XIRP2: variants seen among roughly 807,000 people sequenced by gnomAD.
XIRP2 encodes xin actin binding repeat containing 2.
XIRP2 carries 236 observed loss-of-function variants against 277.0 expected under a neutral mutation model. The observed-to-expected ratio is 0.85, with a 90% CI of 0.77 to 0.95. The LOEUF (loss-of-function observed/expected upper bound fraction) is 0.95. XIRP2 is among the 40% of genes least tolerant of loss of function. XIRP2 has a pLI of 0.00. For synonymous variants in XIRP2, 1,490 were observed against 1,416.5 expected, an observed-to-expected ratio of 1.05 and a Z score of -1.17; for missense variants, 4,640 against 4,157.5, an observed-to-expected ratio of 1.12 and a Z score of -3.19.
chr2:167,190,608 C>T (rs1693302307), intron 3 of XIRP2, among the ~76,000 whole-genome samples: 2 of 152,172 alleles, frequency 1.3e-5, no homozygotes, highest in Non-Finnish European at 2.9e-5. Context: ...TTGGAATCCA[C>T]CTCTTACAAA....
intron 2 of XIRP2, among the ~76,000 whole-genome samples, chr2:167,083,581 G>A (rs2105265189): frequency 6.6e-6 from 1 of 152,282 alleles, no homozygotes; most frequent in South Asian, 2.1e-4. Flanking sequence ...CATGGCCATG[G>A]AATGTTCTTC....
chr2:167,005,273 G>A (rs1050976930), intron 2 of XIRP2, among the ~76,000 whole-genome samples: 3 of 151,774 alleles, frequency 2.0e-5, no homozygotes, highest in Non-Finnish European at 4.4e-5. Flanking sequence ...AATATATTTT[G>A]TCATATTCTT....
intron 2 of XIRP2, among the ~76,000 whole-genome samples, chr2:167,092,054 TA>T (rs1387158639): frequency 1.3e-5 from 2 of 152,148 alleles, no homozygotes; most frequent in Non-Finnish European, 2.9e-5. Flanking sequence ...GCACAACTTT[TA>T]AAACTTTCTA....
chr2:167,040,867 C>A (rs1367792362), intron 2 of XIRP2, among the ~76,000 whole-genome samples: 1 of 152,226 alleles, frequency 6.6e-6, no homozygotes, highest in Non-Finnish European at 1.5e-5. Context: ...CACTAACGTG[C>A]ACCAACCTGC....
intron 2 of XIRP2, among the ~76,000 whole-genome samples, chr2:167,092,359 G>C (rs183083479): frequency 6.6e-6 from 1 of 152,040 alleles, no homozygotes; most frequent in Non-Finnish European, 1.5e-5. Flanking sequence ...TTTCATGCTT[G>C]AGGAAGAAAG....
At chr2:167,257,594 T>C (rs917100787) in intron 10 of XIRP2, among the ~76,000 whole-genome samples, 2 of 152,154 alleles carry the variant, frequency 1.3e-5, no homozygotes, top group South Asian at 2.1e-4. Flanking sequence ...CTCTGCACCA[T>C]GTATAACCAT....
At chr2:166,914,599 C>T (rs1684812530) in intron 2 of XIRP2, among the ~76,000 whole-genome samples, 1 of 152,156 alleles carries the variant, frequency 6.6e-6, no homozygotes, top group African/African-American at 2.4e-5. Flanking sequence ...GCCTCAGCCT[C>T]CCAAAGTTCT....
intron 2 of XIRP2, among the ~76,000 whole-genome samples, chr2:167,010,102 G>A (rs1401689920): frequency 6.6e-6 from 1 of 151,978 alleles, no homozygotes; most frequent in Non-Finnish European, 1.5e-5. Flanking sequence ...GTCTTTTGTT[G>A]CCATTGCTTT....
chr2:167,214,308 G>T (rs1196167546), intron 4 of XIRP2, among the ~76,000 whole-genome samples: 3 of 148,396 alleles, frequency 2.0e-5, no homozygotes, highest in Admixed American at 6.7e-5. Context: ...AGGAAGGAAG[G>T]AAGGAAGGAA....
chr2:167,005,124 C>T (rs1474259715), intron 2 of XIRP2, among the ~76,000 whole-genome samples: 1 of 151,844 alleles, frequency 6.6e-6, no homozygotes, highest in Non-Finnish European at 1.5e-5. Context: ...TGGCATGATG[C>T]ATTTGCAAAT....
intron 1 of XIRP2, among the ~76,000 whole-genome samples, chr2:166,895,216 C>T (rs1684211844): frequency 6.6e-6 from 1 of 152,178 alleles, no homozygotes; most frequent in Non-Finnish European, 1.5e-5. Context: ...ATATGTGACA[C>T]TGCAAAACAT....
chr2:167,001,866 A>C (rs1223053087), intron 2 of XIRP2, among the ~76,000 whole-genome samples: 2 of 152,098 alleles, frequency 1.3e-5, no homozygotes, highest in Admixed American at 6.6e-5. Context: ...ATTCTTTCCG[A>C]TGCTTGAAAA....
intron 3 of XIRP2, among the ~76,000 whole-genome samples, chr2:167,187,847 T>A (rs1465943318): frequency 6.6e-6 from 1 of 152,004 alleles, no homozygotes; most frequent in Admixed American, 6.6e-5. Context: ...CAGAAAAAAA[T>A]TAGTTTGTCA....
intron 2 of XIRP2, among the ~76,000 whole-genome samples, chr2:167,028,147 A>C (rs565595187): frequency 8.1e-4 from 124 of 152,220 alleles, no homozygotes; most frequent in African/African-American, 2.9e-3. Context: ...TCAAACTTAC[A>C]AATATCTAAC....
intron 2 of XIRP2, among the ~76,000 whole-genome samples, chr2:166,915,265 A>G (rs1235482759): frequency 2.1e-5 from 3 of 143,048 alleles, no homozygotes; most frequent in Admixed American, 1.5e-4. Flanking sequence ...CTGCCACTGC[A>G]CTCCAGCCTG....
chr2:167,130,501 A>G (rs960399211), intron 2 of XIRP2, among the ~76,000 whole-genome samples: 12 of 151,900 alleles, frequency 7.9e-5, no homozygotes, highest in Non-Finnish European at 1.3e-4. Flanking sequence ...CTAACAAGTT[A>G]CCCTACTCCC....
chr2:167,223,446 G>A (rs1427011352), intron 5 of XIRP2, among the ~76,000 whole-genome samples: 1 of 152,132 alleles, frequency 6.6e-6, no homozygotes, highest in Non-Finnish European at 1.5e-5. Flanking sequence ...AAATGTAAAT[G>A]CTAGGATTCT....
At chr2:167,085,234 T>G (rs1689897790) in intron 2 of XIRP2, among the ~76,000 whole-genome samples, 1 of 151,592 alleles carries the variant, frequency 6.6e-6, no homozygotes, top group South Asian at 2.1e-4. Flanking sequence ...TTGTTCAGTT[T>G]CCATGTAGTT....
chr2:167,250,420 G>A lies in XIRP2; in HGVS notation c.9028G>A (p.Glu3010Lys). Residue 3010 changes from glutamate (E) to lysine (K), a missense_variant, in exon 9 of 11, where the codon GAA becomes AAA. By Grantham distance (56) the Glu-to-Lys change is moderately conservative. Transcript: ENST00000409195. ...GGAGAATAATTTAGAAAAAGTAAAA[G>A]AAGAAATAACACATATTAAAACTCA... is the stretch of plus-strand genomic sequence containing the variant. ...AMENNLEKVK[E>K]EITHIKTQAE... is the part of the protein sequence containing the mutation. The A allele has an allele frequency of 6.2e-7, 1 of 1,613,298 alleles. No individual in the cohort carries two copies. Among genetic ancestry groups the A allele is most frequent in the Non-Finnish European group, 8.5e-7 (1 of 1,179,616 alleles).
Sources: allele counts gnomAD v4.1 joint callset (sites outside exome capture counted in the v4.1 genomes callset), GRCh38; gene constraint gnomAD v4.1.1; transcripts MANE v1.5; gene names NCBI Gene and HGNC (gene_info 2026-07-23, HGNC 2026-07-21).